The following TMEM201 variants were observed in gnomAD, a reference collection of about 807,000 sequenced individuals.
TMEM201 encodes transmembrane protein 201, also known as RP13-15M17.2.
TMEM201 carries 26 observed loss-of-function variants against 63.4 expected under a neutral mutation model. The ratio of observed to expected loss-of-function variants is 0.41; its 90% CI spans 0.30 to 0.57. The LOEUF (loss-of-function observed/expected upper bound fraction) is 0.57. Among genes scored for constraint, TMEM201 ranks in the 20% least tolerant of loss-of-function variants. TMEM201 has a pLI of 0.29. For synonymous variants in TMEM201, 417 were observed against 421.6 expected (o/e 0.99, Z 0.14); for missense variants, 794 against 917.7 (o/e 0.87, Z 1.74).
chr1:9,609,250 T>G (rs1414266556), intron 7 of TMEM201, among the ~76,000 whole-genome samples: 1 of 152,208 alleles, frequency 6.6e-6, no homozygotes, highest in East Asian at 1.9e-4. Context: ...CAACAGACCC[T>G]TCAGAGCCCA....
At position 9,607,428 on chromosome 1, in the gene TMEM201, C is replaced by T. The variant is rs1018705229; in HGVS notation, c.1161-129C>T. The T allele has an allele frequency of 5.3e-5, 36 of 678,838 alleles. No homozygotes were observed. The highest frequency in any genetic ancestry group is 1.7e-4 in the South Asian group (9 of 51,818). 42.1% of individuals were successfully genotyped at this position (678,838 alleles called of 1,614,324 possible). On this transcript the variant is annotated intron_variant, in intron 6 of 10. Transcript: ENST00000340381. The surrounding 1 kb of genome is among the most constrained non-coding windows in gnomAD (Gnocchi z 5.4). ...TTGCTTTTCTGCTTTAACTAACGCA[C>T]GCCTCCTCTGGGACCCCAGCTGAGG...
At chr1:9,602,798 C>G in intron 6 of TMEM201, 2 of 989,756 alleles carry the variant, frequency 2.0e-6, no homozygotes, top group Non-Finnish European at 1.2e-6. Flanking sequence ...CCAGCCTCAC[C>G]CCTGAGGAGC....
intron 10 of TMEM201, among the ~76,000 whole-genome samples, chr1:9,612,679 C>G (rs541625027): frequency 8.5e-5 from 13 of 152,192 alleles, no homozygotes; most frequent in Non-Finnish European, 1.6e-4. Flanking sequence ...ATGACCTCAT[C>G]TGTAAAGTGG....
intron 4 of TMEM201, 59 bp downstream of exon 4, chr1:9,598,684 C>G: frequency 6.4e-7 from 1 of 1,554,212 alleles, no homozygotes; most frequent in Non-Finnish European, 8.8e-7. Flanking sequence ...AGGAAACCCT[C>G]CCAGGAGGCT....
At position 9,598,472 on chromosome 1, in the gene TMEM201, G is replaced by T; in HGVS notation, c.453G>T (p.Glu151Asp). The T allele has an allele frequency of 6.2e-7, 1 of 1,613,736 alleles. No individual in the cohort carries two copies. The highest frequency in any genetic ancestry group is 8.5e-7 in the Non-Finnish European group (1 of 1,179,810). Residue 151 changes from glutamate to aspartate, a missense_variant, in exon 4 of 11, where the codon GAG becomes GAT. Physicochemically the swap from Glu to Asp is conservative, Grantham distance 45. Transcript: ENST00000340381. ...REEGRYDEEV[E>D]VYRHHLEQMY... is the part of the protein sequence containing the mutation. ...AGGGCAGGTATGACGAGGAGGTCGA[G>T]GTGTACCGGCATCACCTGGAGCAGA...
intron 2 of TMEM201, among the ~76,000 whole-genome samples, chr1:9,596,367 G>A (rs1480992633): frequency 6.6e-6 from 1 of 152,228 alleles, no homozygotes; most frequent in Non-Finnish European, 1.5e-5. Context: ...TCTGCAAAGG[G>A]CCAGATAGTA....
Position 9,596,013 on chromosome 1 carries a change from G to A in TMEM201, c.234+3G>A, listed in dbSNP as rs1341313947. On this transcript the variant is annotated splice_donor_region_variant and intron_variant, in intron 2 of 10. Transcript: ENST00000340381. ...AGCAGTACAACGGCTTCCAGGAGGTGTGGGTCACAGGCAGGCGGACGGGTG... is the reference window on the plus strand; with the variant it reads ...AGCAGTACAACGGCTTCCAGGAGGTATGGGTCACAGGCAGGCGGACGGGTG... 6.2e-7 allele frequency: 1 copy of A among 1,612,086 alleles called. No homozygotes were observed. The highest frequency in any genetic ancestry group is 1.7e-5 in the Admixed American group (1 of 59,998).
chr1:9,610,813 C>T lies in TMEM201; in HGVS notation c.1765+8C>T. The T allele has an allele frequency of 3.3e-6, 5 of 1,531,556 alleles. No homozygotes were observed. The highest frequency in any genetic ancestry group is 4.4e-6 in the Non-Finnish European group (5 of 1,134,856). 94.9% of individuals were successfully genotyped at this position (1,531,556 alleles called of 1,614,324 possible). A position where few individuals can be genotyped will look rare whatever the true frequency, so the allele number is the denominator to read the frequency against. ...ACGTGAAGCACGCCCTGGGTACGGC[C>T]TTCTGACCACCCCAAGGGGCCGTGG... On this transcript the variant is annotated splice_region_variant and intron_variant, in intron 9 of 10. Transcript: ENST00000340381. This position sits in a 1 kb window ranked among gnomAD's most constrained non-coding sequence, Gnocchi z 4.9.
chr1:9,599,315 T>C (rs562341969), intron 4 of TMEM201, among the ~76,000 whole-genome samples: 9 of 151,918 alleles, frequency 5.9e-5, no homozygotes, highest in South Asian at 2.1e-4. Context: ...TGGCGCGATC[T>C]CGGCTCACTG....
chr1:9,601,651 G>T (rs370455143), intron 5 of TMEM201, among the ~76,000 whole-genome samples, 197 bp downstream of exon 5: 3 of 152,294 alleles, frequency 2.0e-5, no homozygotes, highest in South Asian at 4.1e-4. Flanking sequence ...AGCCAGCCCC[G>T]TGCACACCCG....
chr1:9,610,002 A>T lies in TMEM201; in HGVS notation c.1465+91A>T. The T allele has an allele frequency of 9.0e-6, 11 of 1,228,934 alleles. No homozygotes were observed. Among genetic ancestry groups the T allele is most frequent in the Non-Finnish European group, 1.2e-5 (10 of 856,572 alleles). The allele number at this position is 1,228,934 out of a possible 1,614,324, so 76.1% of individuals were successfully genotyped here. A position where few individuals can be genotyped will look rare whatever the true frequency, so the allele number is the denominator to read the frequency against. On this transcript the variant is annotated intron_variant, in intron 8 of 10. Coordinates refer to ENST00000340381, the MANE Select transcript of TMEM201 (RefSeq NM_001130924.3). This position sits in a 1 kb window ranked among gnomAD's most constrained non-coding sequence, Gnocchi z 4.9. Reference sequence around the variant, plus strand: ...TGGTTTGTGTGAGCTTTGGGGTCAGACAGACCCCAAGTGTGTGTTCACATC... The same window carrying T: ...TGGTTTGTGTGAGCTTTGGGGTCAGTCAGACCCCAAGTGTGTGTTCACATC...
intron 1 of TMEM201, among the ~76,000 whole-genome samples, chr1:9,595,235 C>T (rs577729230): frequency 5.3e-5 from 8 of 152,304 alleles, no homozygotes; most frequent in Middle Eastern, 3.4e-3. Context: ...GGGATTATCC[C>T]GAGGCCCCAC....
At position 9,607,622 on chromosome 1, in the gene TMEM201, G is replaced by C; in HGVS notation, c.1226G>C (p.Ser409Thr). Residue 409 changes from serine to threonine, a missense_variant, in exon 7 of 11, where the codon AGT becomes ACT. By Grantham distance (58) the Ser-to-Thr change is moderately conservative. Transcript: ENST00000340381. This position sits in a 1 kb window ranked among gnomAD's most constrained non-coding sequence, Gnocchi z 5.4. ...CCCAGCTTGGCCATCCCTCACCCGAGTGTCGGAGGCTCTCCAGCGTCTCTG... is the reference window on the plus strand; with the variant it reads ...CCCAGCTTGGCCATCCCTCACCCGACTGTCGGAGGCTCTCCAGCGTCTCTG... ...TSPSLAIPHP[S>T]VGGSPASLFI... 6.4e-7 allele frequency: 1 copy of C among 1,551,788 alleles called. No individual in the cohort carries two copies. Among genetic ancestry groups the C allele is most frequent in the Admixed American group, 2.0e-5 (1 of 50,994 alleles).
At position 9,607,904 on chromosome 1, in the gene TMEM201, G is replaced by C; in HGVS notation, c.1393+115G>C. 1.0e-6 allele frequency: 1 copy of C among 998,886 alleles called. No individual in the cohort carries two copies. The highest frequency in any genetic ancestry group is 1.5e-6 in the Non-Finnish European group (1 of 688,226). 61.9% of individuals were successfully genotyped at this position (998,886 alleles called of 1,614,324 possible). A position where few individuals can be genotyped will look rare whatever the true frequency, so the allele number is the denominator to read the frequency against. On this transcript the variant is annotated intron_variant, in intron 7 of 10. Transcript: ENST00000340381. The surrounding 1 kb of genome is among the most constrained non-coding windows in gnomAD (Gnocchi z 5.4). Reference sequence around the variant, plus strand: ...GAGTGGTTAGTGTTCCTGCTGCAGAGACAGGCAGCACAGAGCTTTGAGCCT... The same window carrying C: ...GAGTGGTTAGTGTTCCTGCTGCAGACACAGGCAGCACAGAGCTTTGAGCCT...
At chr1:9,602,621 C>G in intron 6 of TMEM201, 1 of 1,207,238 alleles carries the variant, frequency 8.3e-7, no homozygotes. Context: ...GCTCCAGGCA[C>G]CCCCCTCTCA....
At chr1:9,602,438 C>G (rs1379823467) in intron 6 of TMEM201, 166 bp downstream of exon 6, 3 of 1,453,384 alleles carry the variant, frequency 2.1e-6, no homozygotes, top group Admixed American at 2.3e-5. Context: ...TCCACTGCCT[C>G]GAAGAGTCAG....
At position 9,608,952 on chromosome 1, in the gene TMEM201, G is replaced by A. The variant is rs1027900062; in HGVS notation, c.1394-888G>A. ...CTCCATCGCCAGAGGGTGGGTCGGG[G>A]GCAGGAGTTCCTGCAGGGCTTTGGC... is the stretch of plus-strand genomic sequence containing the variant. On this transcript the variant is annotated intron_variant, in intron 7 of 10. Coordinates refer to ENST00000340381, the MANE Select transcript of TMEM201 (RefSeq NM_001130924.3). This position sits in a 1 kb window ranked among gnomAD's most constrained non-coding sequence, Gnocchi z 4.3. Among the ~76,000 whole-genome samples, 1 of 152,168 alleles carries A rather than the reference G, an allele frequency of 6.6e-6. No individual in the cohort carries two copies. The highest frequency in any genetic ancestry group is 6.5e-5 in the Admixed American group (1 of 15,274).
At chr1:9,592,728 G>A (rs143372524) in intron 1 of TMEM201, among the ~76,000 whole-genome samples, 267 of 123,500 alleles carry the variant, frequency 2.2e-3, no homozygotes, top group Non-Finnish European at 3.9e-3. Flanking sequence ...GCTTGTGGAC[G>A]GGGCAGGTAC....
At chr1:9,609,771 G>C in intron 7 of TMEM201, 69 bp from the exon 8 acceptor site, 1 of 1,445,920 alleles carries the variant, frequency 6.9e-7, no homozygotes, top group Non-Finnish European at 9.5e-7. Flanking sequence ...GATTTCGGCA[G>C]AGCATTTGTG....
Sources: gnomAD v4.1 joint callset for allele counts (sites outside exome capture counted in the v4.1 genomes callset) on GRCh38, gnomAD v4.1.1 for gene constraint, Gnocchi (gnomAD v3.1) non-coding constraint, MANE v1.5 for transcripts, NCBI Gene and HGNC (gene_info 2026-07-23, HGNC 2026-07-21) for gene names.